OR11G2: variants seen among roughly 807,000 people sequenced by gnomAD.
OR11G2 encodes the protein olfactory receptor family 11 subfamily G member 2, also known as olfactory receptor 11G2.
A neutral mutation model predicts 0.9 loss-of-function variants in OR11G2; 2 were observed. The observed-to-expected ratio is 2.35, with a 90% CI of 0.96 to 7.38. The LOEUF (loss-of-function observed/expected upper bound fraction) is 7.38, where lower values mean the gene tolerates loss of function less well. Among genes scored for constraint, OR11G2 ranks in the 30% most tolerant of loss-of-function variants. The pLI is 0.05. For synonymous variants in OR11G2, 153 were observed against 142.0 expected, an observed-to-expected ratio of 1.08 and a Z score of -0.55; for missense variants, 395 against 371.3, an observed-to-expected ratio of 1.06 and a Z score of -0.52.
rs748310237 is a variant in OR11G2, at chr14:20,197,497, C to G, written c.60C>G (p.Gly20=). ...CCTTCACTGGCTTCATCCTCCTGGGCTTCCCTTGCCCCAGGGAGGGGCAGA... is the reference window on the plus strand; with the variant it reads ...CCTTCACTGGCTTCATCCTCCTGGGGTTCCCTTGCCCCAGGGAGGGGCAGA... The part of the protein sequence containing the change: ...SSTFTGFILL[G]FPCPREGQIL... Residue 20 remains glycine (G), a synonymous_variant, in exon 2 of 2, where the codon GGC becomes GGG. Transcript: ENST00000641879. The G allele has an allele frequency of 8.7e-6, 14 of 1,614,082 alleles. No homozygotes were observed. In the East Asian group the frequency reaches 1.6e-4, roughly 18 times the overall value.
chr14:20,197,949 CCTT>C lies in OR11G2; in HGVS notation c.515_517del (p.Phe172del). On this transcript the variant is annotated inframe_deletion, in exon 2 of 2. Coordinates refer to ENST00000641879, the MANE Select transcript of OR11G2 (RefSeq NM_001386033.1). Reference sequence around the variant, plus strand: ...CCTATCGTCAACATCTCCCAAATGTCCTTCTGTGGATCTAGGATTATTGACCAC... The same window carrying C: ...CCTATCGTCAACATCTCCCAAATGTCCTGTGGATCTAGGATTATTGACCAC... 6.2e-7 allele frequency: 1 copy of C among 1,614,104 alleles called. No homozygotes were observed. The highest frequency in any genetic ancestry group is 8.5e-7 in the Non-Finnish European group (1 of 1,180,008).
chr14:20,200,258 C>G lies in OR11G2; in HGVS notation c.*1885C>G, dbSNP rs775338066. On this transcript the variant is annotated 3_prime_UTR_variant, in exon 2 of 2. Transcript: ENST00000641879. ...CTGAATTTCTCTTTAGGACTTCTCA[C>G]TTATTTGCCAGTCATATCACAATAA... 7 of 151,634 alleles carry G rather than the reference C, an allele frequency of 4.6e-5. No homozygotes were observed. Among genetic ancestry groups the G allele is most frequent in the Non-Finnish European group, 1.0e-4 (7 of 67,930 alleles). The allele number at this position is 151,634 out of a possible 1,614,324, so 9.4% of individuals were successfully genotyped here.
At chr14:20,195,628 C>A (rs1047770135) in intron 1 of OR11G2, among the ~76,000 whole-genome samples, 10 of 152,316 alleles carry the variant, frequency 6.6e-5, no homozygotes, top group Admixed American at 2.0e-4. Context: ...CCAACATAAA[C>A]CTCTAAGTAC....
intron 1 of OR11G2, among the ~76,000 whole-genome samples, chr14:20,194,647 T>A (rs1412141632): frequency 6.6e-6 from 1 of 152,220 alleles, no homozygotes; most frequent in Non-Finnish European, 1.5e-5. Context: ...CATAATAAAG[T>A]TATATTCCTC....
In OR11G2 at chr14:20,200,163, A is replaced by G. The variant is rs893985719; in HGVS notation, c.*1790A>G. ...AGGATAATGACTTAATTCCAAAAAA[A>G]AAAAAAAAAAAAGTTCCTATCCACC... On this transcript the variant is annotated 3_prime_UTR_variant, in exon 2 of 2. Transcript: ENST00000641879. 6.6e-6 allele frequency: 1 copy of G among 151,376 alleles called. No individual in the cohort carries two copies. Among genetic ancestry groups the G allele is most frequent in the Non-Finnish European group, 1.5e-5 (1 of 67,822 alleles). 9.4% of individuals were successfully genotyped at this position (151,376 alleles called of 1,614,324 possible).
rs768775067 is a variant in OR11G2 at position 20,197,550 on chromosome 14, T to C, written c.113T>C (p.Val38Ala). The C allele has an allele frequency of 6.2e-7, 1 of 1,614,108 alleles. No homozygotes were observed. Among genetic ancestry groups the C allele is most frequent in the Non-Finnish European group, 8.5e-7 (1 of 1,180,014 alleles). The change falls in exon 2 of 2, where the codon GTT becomes GCT. Residue 38 changes from valine (V) to alanine (A), a missense_variant. By Grantham distance (64) the Val-to-Ala change is moderately conservative (BLOSUM62 0). Transcript: ENST00000641879. Reference protein sequence around the residue: ...QILLFVLFTVVYLLTLMGNGS... With the variant: ...QILLFVLFTVAYLLTLMGNGS... ...CTCCTCTTTGTGCTCTTCACTGTTG[T>C]TTACCTCCTGACCCTCATGGGCAAT...
chr14:20,197,593 T>C lies in OR11G2; in HGVS notation c.156T>C (p.Ala52=), dbSNP rs749706829. Residue 52 remains alanine (A), a synonymous_variant, in exon 2 of 2, where the codon GCT becomes GCC. Coordinates refer to ENST00000641879, the MANE Select transcript of OR11G2 (RefSeq NM_001386033.1). ...TLMGNGSIIC[A]VHWDQRLHAP... ...TGGGCAATGGTTCCATCATCTGTGC[T>C]GTGCACTGGGATCAGAGACTCCACG... 1.2e-6 allele frequency: 2 copies of C among 1,614,218 alleles called. No homozygotes were observed. The highest frequency in any genetic ancestry group is 1.3e-5 in the African/African-American group (1 of 75,056).
At chr14:20,196,068 T>A (rs1317078865) in intron 1 of OR11G2, among the ~76,000 whole-genome samples, 2 of 152,176 alleles carry the variant, frequency 1.3e-5, no homozygotes, top group Non-Finnish European at 2.9e-5. Flanking sequence ...AGACTAAAGT[T>A]GGTAAAAATT....
intron 1 of OR11G2, among the ~76,000 whole-genome samples, chr14:20,196,271 G>A (rs77269310): frequency 0.04 from 6,104 of 152,244 alleles, 169 homozygotes; most frequent in Non-Finnish European, 0.048. Flanking sequence ...CCTTCAGCTG[G>A]AAATAATCTT....
chr14:20,194,999 AACAAATG>A (rs1184224102), intron 1 of OR11G2, among the ~76,000 whole-genome samples: 2 of 152,220 alleles, frequency 1.3e-5, no homozygotes, highest in Admixed American at 6.5e-5. Context: ...TGGGCCCCTA[AACAAATG>A]ACTTTAAAAG....
chr14:20,195,862 C>T (rs535007609), intron 1 of OR11G2, among the ~76,000 whole-genome samples: 13 of 152,120 alleles, frequency 8.5e-5, no homozygotes, highest in African/African-American at 2.2e-4. Context: ...TATGAGCATA[C>T]GCATCATAAA....
chr14:20,191,972 A>G (rs1163046369), intron 1 of OR11G2, among the ~76,000 whole-genome samples: 1 of 150,000 alleles, frequency 6.7e-6, no homozygotes, highest in Non-Finnish European at 1.5e-5. Context: ...GGCTCACCAC[A>G]ACCTCTGCCT....
At chr14:20,195,693 G>T (rs1879737636) in intron 1 of OR11G2, among the ~76,000 whole-genome samples, 1 of 152,048 alleles carries the variant, frequency 6.6e-6, no homozygotes, top group Admixed American at 6.5e-5. Flanking sequence ...TTTGTTTTTG[G>T]TCTTATAAGT....
Position 20,191,083 on chromosome 14 carries a change from A to C in OR11G2, c.-588A>C, listed in dbSNP as rs897494757. On this transcript the variant is annotated 5_prime_UTR_variant, in exon 1 of 2. Transcript: ENST00000641879. ...TCCATGAAAGGAGATGATGCAATGGACAAAGTTTCCAGGATTGGTAAAGCC... is the reference window on the plus strand; with the variant it reads ...TCCATGAAAGGAGATGATGCAATGGCCAAAGTTTCCAGGATTGGTAAAGCC... 6.6e-6 allele frequency: 1 copy of C among 152,212 alleles called. No homozygotes were observed. Among genetic ancestry groups the C allele is most frequent in the African/African-American group, 2.4e-5 (1 of 41,454 alleles). The allele number at this position is 152,212 out of a possible 1,614,324, so 9.4% of individuals were successfully genotyped here.
At chr14:20,196,954 A>G (rs1879764518) in intron 1 of OR11G2, among the ~76,000 whole-genome samples, 1 of 152,240 alleles carries the variant, frequency 6.6e-6, no homozygotes, top group East Asian at 1.9e-4. Context: ...TAATTCAAAC[A>G]GTTTTATGGT....
chr14:20,193,522 T>G (rs1057393771), intron 1 of OR11G2, among the ~76,000 whole-genome samples: 12 of 152,240 alleles, frequency 7.9e-5, no homozygotes, highest in Non-Finnish European at 1.8e-4. Context: ...TAGCAAACTA[T>G]ATCCAATGTG....
rs1879868219 is a variant in OR11G2, at chr14:20,199,986, A to G, written c.*1613A>G. On this transcript the variant is annotated 3_prime_UTR_variant, in exon 2 of 2. Transcript: ENST00000641879. ...TAGATCAGTAAAAATAGTCACCCAGAATTTGTATTAGAAGCTTGGGCTAGT... is the reference window on the plus strand; with the variant it reads ...TAGATCAGTAAAAATAGTCACCCAGGATTTGTATTAGAAGCTTGGGCTAGT... The G allele has an allele frequency of 6.6e-6, 1 of 152,022 alleles. No individual in the cohort carries two copies. Among genetic ancestry groups the G allele is most frequent in the Non-Finnish European group, 1.5e-5 (1 of 67,986 alleles). The allele number at this position is 152,022 out of a possible 1,614,324, so 9.4% of individuals were successfully genotyped here. A position where few individuals can be genotyped will look rare whatever the true frequency, so the allele number is the denominator to read the frequency against.
intron 1 of OR11G2, among the ~76,000 whole-genome samples, chr14:20,195,637 A>G (rs992268148): frequency 6.6e-6 from 1 of 152,174 alleles, no homozygotes. Flanking sequence ...ACCTCTAAGT[A>G]CTCACATCTG....
intron 1 of OR11G2, among the ~76,000 whole-genome samples, chr14:20,196,469 T>C (rs2139111637): frequency 6.6e-6 from 1 of 152,344 alleles, no homozygotes; most frequent in Non-Finnish European, 1.5e-5. Flanking sequence ...GATTACATGA[T>C]TGTTTCACAA....
Sources: allele counts gnomAD v4.1 joint callset (sites outside exome capture counted in the v4.1 genomes callset), GRCh38; gene constraint gnomAD v4.1.1; transcripts MANE v1.5; gene names NCBI Gene and HGNC (gene_info 2026-07-23, HGNC 2026-07-21).